TSPAN5: variants seen among roughly 807,000 people sequenced by gnomAD.
TSPAN5 encodes the protein tetraspanin 5.
Under a neutral mutation model 37.1 loss-of-function variants are expected in TSPAN5, and 10 were observed. The ratio of observed to expected loss-of-function variants is 0.27; its 90% CI spans 0.17 to 0.46. The LOEUF is 0.46. Ranked by LOEUF, TSPAN5 falls within the 20% of genes least tolerant of loss-of-function variation. The probability of loss-of-function intolerance (pLI) is 1.00; values close to 1 mark genes in which losing one functional copy is unlikely to be tolerated. For synonymous variants in TSPAN5, 110 were observed against 118.9 expected (o/e 0.93, Z 0.48); for missense variants, 195 against 326.6 (o/e 0.60, Z 3.11).
intron 1 of TSPAN5, among the ~76,000 whole-genome samples, chr4:98,564,639 C>T (rs1040593323): frequency 2.6e-5 from 4 of 152,036 alleles, no homozygotes; most frequent in Non-Finnish European, 2.9e-5. Flanking sequence ...AGGAGGCATC[C>T]GATTTAACTG....
intron 1 of TSPAN5, among the ~76,000 whole-genome samples, chr4:98,558,154 C>T (rs1013131948): frequency 5.4e-5 from 8 of 149,356 alleles, no homozygotes; most frequent in African/African-American, 1.5e-4. Context: ...TCCCCGGTGA[C>T]GCAAAGAAAC....
At chr4:98,530,464 C>T (rs2110127788) in intron 1 of TSPAN5, among the ~76,000 whole-genome samples, 1 of 152,318 alleles carries the variant, frequency 6.6e-6, no homozygotes, top group East Asian at 1.9e-4. Flanking sequence ...CCAGGGCTCC[C>T]TGAAGCCACA....
At chr4:98,577,369 A>C (rs1182969678) in intron 1 of TSPAN5, among the ~76,000 whole-genome samples, 1 of 152,020 alleles carries the variant, frequency 6.6e-6, no homozygotes, top group African/African-American at 2.4e-5. Flanking sequence ...TGCCAACCAG[A>C]ATCTTTATTG....
chr4:98,529,493 A>T (rs1204814431), intron 1 of TSPAN5, among the ~76,000 whole-genome samples: 1 of 101,862 alleles, frequency 9.8e-6, no homozygotes, highest in Non-Finnish European at 1.9e-5. Flanking sequence ...ACAGTTACGA[A>T]CTTGTGTCAT....
At chr4:98,610,794 G>A (rs1756167037) in intron 1 of TSPAN5, among the ~76,000 whole-genome samples, 2 of 152,110 alleles carry the variant, frequency 1.3e-5, no homozygotes, top group Non-Finnish European at 2.9e-5. Flanking sequence ...AGGCTGTTCA[G>A]GGAGGAACGA....
intron 1 of TSPAN5, among the ~76,000 whole-genome samples, chr4:98,592,421 G>GTTTTTTTTTTTTTTTTTTTTTTT (rs1204813183): frequency 3.1e-5 from 3 of 95,280 alleles, no homozygotes; most frequent in African/African-American, 1.3e-4. Flanking sequence ...AGGGATCTCT[G>GTTTTTTTTTTTTTTTTTTTTTTT]TTTTTTGTTT....
At chr4:98,657,799 C>T (rs968317011) in intron 1 of TSPAN5, 8 of 332,916 alleles carry the variant, frequency 2.4e-5, no homozygotes, top group African/African-American at 1.5e-4. Flanking sequence ...TGCCCAACAT[C>T]TATATCCCAC....
chr4:98,636,427 C>A (rs752828950), intron 1 of TSPAN5, among the ~76,000 whole-genome samples: 26 of 152,158 alleles, frequency 1.7e-4, no homozygotes, highest in Admixed American at 4.6e-4. Context: ...TAGCTTTAAT[C>A]TTTTCCAAAT....
At chr4:98,612,409 C>A (rs775391129) in intron 1 of TSPAN5, among the ~76,000 whole-genome samples, 3 of 152,198 alleles carry the variant, frequency 2.0e-5, no homozygotes, top group Non-Finnish European at 4.4e-5. Flanking sequence ...TTTACAAGAA[C>A]AATGATGTAT....
intron 1 of TSPAN5, among the ~76,000 whole-genome samples, chr4:98,548,886 G>GGTGTGTGT (rs142527701): frequency 0.019 from 1,074 of 57,436 alleles, 12 homozygotes; most frequent in Middle Eastern, 0.046. Flanking sequence ...AGTATTCCAA[G>GGTGTGTGT]GTGTGTGTGT....
intron 3 of TSPAN5, among the ~76,000 whole-genome samples, chr4:98,486,367 C>A (rs991138543): frequency 2.0e-5 from 3 of 152,178 alleles, no homozygotes; most frequent in African/African-American, 7.2e-5. Context: ...TTCTCCAAAC[C>A]AACAGCCTGC....
chr4:98,560,186 A>G (rs1578992959), intron 1 of TSPAN5: 1 of 152,212 alleles, frequency 6.6e-6, no homozygotes, highest in East Asian at 1.9e-4. Flanking sequence ...ATTTGGTGAC[A>G]AATACCTCTT....
Position 98,658,295 on chromosome 4 carries a change from G to T in TSPAN5, c.-69C>A. The T allele has an allele frequency of 7.5e-7, 1 of 1,333,266 alleles. No individual in the cohort carries two copies. Among genetic ancestry groups the T allele is most frequent in the Non-Finnish European group, 1.1e-6 (1 of 924,830 alleles). 82.6% of individuals were successfully genotyped at this position (1,333,266 alleles called of 1,614,324 possible). ...GAGCTCCGAAGCACCGTTGCTCGGA[G>T]CAGCCCGGCGGGGAGCAGGAGCTCA... On this transcript the variant is annotated 5_prime_UTR_variant, in exon 1 of 8. Transcript: ENST00000305798.
At chr4:98,572,872 T>C (rs1755157553) in intron 1 of TSPAN5, among the ~76,000 whole-genome samples, 1 of 152,238 alleles carries the variant, frequency 6.6e-6, no homozygotes, top group South Asian at 2.1e-4. Flanking sequence ...CCAGATTGTC[T>C]AACTCATGAG....
intron 1 of TSPAN5, among the ~76,000 whole-genome samples, chr4:98,633,939 C>T (rs1045738244): frequency 3.1e-4 from 47 of 151,894 alleles, no homozygotes; most frequent in Admixed American, 2.0e-4. Context: ...ATTAGCCAGG[C>T]GTGGTGGCAC....
At chr4:98,619,509 C>G (rs1756430383) in intron 1 of TSPAN5, among the ~76,000 whole-genome samples, 5 of 152,178 alleles carry the variant, frequency 3.3e-5, no homozygotes, top group Admixed American at 3.3e-4. Context: ...TCCCAGTCAA[C>G]TTTTATTTCA....
chr4:98,491,988 A>C (rs543246498), intron 2 of TSPAN5, among the ~76,000 whole-genome samples: 2 of 152,288 alleles, frequency 1.3e-5, no homozygotes, highest in African/African-American at 4.8e-5. Flanking sequence ...AATCCTTAGG[A>C]ATGTGCAAGA....
intron 1 of TSPAN5, among the ~76,000 whole-genome samples, chr4:98,540,493 A>AAG (rs1754334851): frequency 6.6e-6 from 1 of 152,156 alleles, no homozygotes; most frequent in Admixed American, 6.5e-5. Context: ...ACGTGCCACC[A>AAG]TGCCCAGCTA....
chr4:98,623,871 C>T (rs1553918098), intron 1 of TSPAN5, among the ~76,000 whole-genome samples: 1 of 152,160 alleles, frequency 6.6e-6, no homozygotes, highest in Admixed American at 6.5e-5. Context: ...TCTGTATTCA[C>T]GTACTTTGAA....
Sources: gnomAD v4.1 joint callset for allele counts (sites outside exome capture counted in the v4.1 genomes callset) on GRCh38, gnomAD v4.1.1 for gene constraint, MANE v1.5 for transcripts, NCBI Gene and HGNC (gene_info 2026-07-23, HGNC 2026-07-21) for gene names.